CDH13: variants seen among roughly 807,000 people sequenced by gnomAD.
CDH13 encodes cadherin-13.
CDH13 carries 24 observed loss-of-function variants against 63.8 expected under a neutral mutation model. The observed-to-expected ratio is 0.38, with a 90% CI of 0.27 to 0.53. CDH13 has a LOEUF of 0.53. Ranked by LOEUF, CDH13 falls within the 20% of genes least tolerant of loss-of-function variation. CDH13 has a pLI of 0.85. For missense variants in CDH13, 1,049 were observed against 903.1 expected (o/e 1.16, Z -2.07); for synonymous variants, 503 against 355.3 (o/e 1.42, Z -4.67).
chr16:83,176,840 G>T (rs574717015), intron 4 of CDH13, among the ~76,000 whole-genome samples: 45 of 152,092 alleles, frequency 3.0e-4, no homozygotes, highest in Non-Finnish European at 5.4e-4. Context: ...GCTCTGTTGA[G>T]CCTGGGTCTT....
intron 2 of CDH13, among the ~76,000 whole-genome samples, chr16:82,959,284 A>G (rs887707286): frequency 6.6e-6 from 1 of 152,230 alleles, no homozygotes; most frequent in Non-Finnish European, 1.5e-5. Context: ...CAATATAATT[A>G]AAGGACATTC....
intron 5 of CDH13, among the ~76,000 whole-genome samples, chr16:83,245,109 G>A (rs565040592): frequency 1.9e-4 from 25 of 131,062 alleles, no homozygotes; most frequent in Admixed American, 3.6e-4. Context: ...CTCTTTTCTG[G>A]ATAGTATGCA....
intron 6 of CDH13, among the ~76,000 whole-genome samples, chr16:83,370,498 T>C (rs578259550): frequency 3.3e-5 from 5 of 152,166 alleles, no homozygotes; most frequent in East Asian, 3.8e-4. Flanking sequence ...CAGGGGTACA[T>C]GTGCAGGTTT....
intron 5 of CDH13, among the ~76,000 whole-genome samples, chr16:83,281,774 G>A (rs117294751): frequency 0.052 from 7,900 of 151,640 alleles, 309 homozygotes; most frequent in Non-Finnish European, 0.08. Flanking sequence ...GTAGCCAAGC[G>A]TGGTGGCGCG....
intron 7 of CDH13, among the ~76,000 whole-genome samples, chr16:83,504,537 A>T (rs1598173655): frequency 6.6e-6 from 1 of 152,198 alleles, no homozygotes; most frequent in South Asian, 2.1e-4. Context: ...GAGGGTGGAA[A>T]GCAGGCCAGA....
chr16:82,851,442 AAAT>A (rs1415818972), intron 1 of CDH13, among the ~76,000 whole-genome samples: 3 of 22,024 alleles, frequency 1.4e-4, no homozygotes, highest in South Asian at 2.8e-3. Flanking sequence ...CTCAAAAAAA[AAAT>A]AAAAAGAAAA....
At chr16:83,620,661 C>T (rs1909730141) in intron 8 of CDH13, among the ~76,000 whole-genome samples, 1 of 152,166 alleles carries the variant, frequency 6.6e-6, no homozygotes, top group Non-Finnish European at 1.5e-5. Flanking sequence ...CTAATACTTG[C>T]ACCGTCCAGC....
At chr16:83,617,458 A>G (rs1364803494) in intron 8 of CDH13, among the ~76,000 whole-genome samples, 1 of 151,786 alleles carries the variant, frequency 6.6e-6, no homozygotes, top group Non-Finnish European at 1.5e-5. Flanking sequence ...TAATAAGCAC[A>G]TTTTCTATTC....
chr16:82,665,540 C>A (rs1356569919), intron 1 of CDH13, among the ~76,000 whole-genome samples: 1 of 152,122 alleles, frequency 6.6e-6, no homozygotes, highest in Non-Finnish European at 1.5e-5. Flanking sequence ...ATAAGAGAAT[C>A]AATTGTATGC....
At chr16:83,038,762 T>C (rs563187251) in intron 3 of CDH13, among the ~76,000 whole-genome samples, 5 of 152,344 alleles carry the variant, frequency 3.3e-5, no homozygotes, top group African/African-American at 9.6e-5. Flanking sequence ...ATCTGCCATA[T>C]AAATGGGATT....
chr16:83,589,781 C>T (rs1302655673), intron 7 of CDH13, among the ~76,000 whole-genome samples: 3 of 152,080 alleles, frequency 2.0e-5, no homozygotes, highest in Non-Finnish European at 4.4e-5. Context: ...AAACACTCAC[C>T]GTGCCATACA....
intron 2 of CDH13, among the ~76,000 whole-genome samples, chr16:83,007,368 C>G (rs1424630234): frequency 6.6e-6 from 1 of 152,192 alleles, no homozygotes; most frequent in African/African-American, 2.4e-5. Context: ...AAACCCATTT[C>G]ACACGTGAGG....
At chr16:83,594,456 A>G (rs143719087) in intron 7 of CDH13, among the ~76,000 whole-genome samples, 139 of 152,268 alleles carry the variant, frequency 9.1e-4, no homozygotes, top group African/African-American at 2.6e-3. Context: ...TTAAATGTCA[A>G]CCATCCTATT....
rs2035420639 is a variant in CDH13, at chr16:83,118,593, T to C, written c.367-6792T>C. On this transcript the variant is annotated intron_variant, in intron 3 of 13. Transcript: ENST00000567109. ...ATACAGACTGAGTGGCTCACCCTCA[T>C]TTTCTCACTTCCTCCGTCCTGGTGT... is the stretch of plus-strand genomic sequence containing the variant. 1.3e-5 allele frequency among the ~76,000 whole-genome samples: 2 copies of C among 152,192 alleles called. 1 individual carries two copies. The highest frequency in any genetic ancestry group is 4.1e-4 in the South Asian group (2 of 4,828).
rs147581898 is a variant in CDH13 at position 83,234,114 on chromosome 16, C to A, written c.636+16617C>A. Among the ~76,000 whole-genome samples, 287 of 152,326 alleles carry A rather than the reference C, an allele frequency of 1.9e-3. 1 individual carries two copies. The highest frequency in any genetic ancestry group is 6.8e-3 in the Middle Eastern group (2 of 294). ...GGAGAAGTAACTCTGGATGAACCCC[C>A]AGGGGCAACCCTAGATTCTTGCTCT... On this transcript the variant is annotated intron_variant, in intron 5 of 13. Coordinates refer to ENST00000567109, the MANE Select transcript of CDH13 (RefSeq NM_001257.5).
rs142056444 is a variant in CDH13 at position 82,977,136 on chromosome 16, T to G, written c.158-54874T>G. On this transcript the variant is annotated intron_variant, in intron 2 of 13. Transcript: ENST00000567109. The stretch of plus-strand genomic sequence containing the variant: ...AAGGCTTCCACACCAATGTGGCTCC[T>G]AAGTTCCCAAAATTGAGCTCCATTT... Among the ~76,000 whole-genome samples the G allele has an allele frequency of 4.1e-3, 627 of 152,336 alleles. 8 individuals are homozygous for G. Among genetic ancestry groups the G allele is most frequent in the African/African-American group, 0.015 (603 of 41,582 alleles).
intron 8 of CDH13, among the ~76,000 whole-genome samples, chr16:83,623,309 T>C (rs1909982110): frequency 6.6e-6 from 1 of 152,194 alleles, no homozygotes; most frequent in African/African-American, 2.4e-5. Context: ...CCAGTCACGA[T>C]TAACGGGCTC....
chr16:82,671,290 CTTTG>C (rs144660282), intron 1 of CDH13, among the ~76,000 whole-genome samples: 136 of 152,192 alleles, frequency 8.9e-4, no homozygotes, highest in African/African-American at 3.2e-3. Context: ...TGTGGTCTTC[CTTTG>C]TTTGGGATGT....
intron 1 of CDH13, among the ~76,000 whole-genome samples, chr16:82,647,916 G>C (rs540843610): frequency 6.6e-6 from 1 of 152,140 alleles, no homozygotes; most frequent in Non-Finnish European, 1.5e-5. Context: ...GGACCCTGTC[G>C]GGGGTAACTG....
Sources: allele counts gnomAD v4.1 joint callset (sites outside exome capture counted in the v4.1 genomes callset), GRCh38; gene constraint gnomAD v4.1.1; transcripts MANE v1.5; gene names NCBI Gene and HGNC (gene_info 2026-07-23, HGNC 2026-07-21).